Variants in NTM observed in about 807,000 individuals in gnomAD.
NTM encodes IgLON family member 2.
Under a neutral mutation model 42.1 loss-of-function variants are expected in NTM, and 13 were observed. The observed-to-expected ratio is 0.31, with a 90% confidence interval of 0.20 to 0.49. The LOEUF (loss-of-function observed/expected upper bound fraction) is 0.49, where lower values mean the gene tolerates loss of function less well. NTM is among the 20% of genes least tolerant of loss of function. The pLI, the probability that NTM is intolerant of heterozygous loss-of-function variation, is 0.99. For missense variants in NTM, 373 were observed against 452.8 expected (o/e 0.82, Z 1.60); for synonymous variants, 187 against 179.2 (o/e 1.04, Z -0.35).
At chr11:131,774,152 G>A in intron 1 of NTM, 1 of 981,148 alleles carries the variant, frequency 1.0e-6, no homozygotes, top group Non-Finnish European at 1.2e-6. Flanking sequence ...ATGTCAGTGG[G>A]AAACCCATCA....
intron 2 of NTM, among the ~76,000 whole-genome samples, chr11:132,095,673 CT>C (rs1181960401): frequency 1.3e-5 from 2 of 152,200 alleles, no homozygotes; most frequent in African/African-American, 2.4e-5. Context: ...CCCAGCCATC[CT>C]TGTGTCTAGG....
intron 3 of NTM, among the ~76,000 whole-genome samples, chr11:132,198,105 G>T (rs889424017): frequency 2.0e-5 from 3 of 152,140 alleles, no homozygotes; most frequent in African/African-American, 4.8e-5. Flanking sequence ...ACTAGTTTAC[G>T]ATCCCACCAA....
At chr11:131,964,344 C>G (rs1203507441) in intron 2 of NTM, among the ~76,000 whole-genome samples, 1 of 149,092 alleles carries the variant, frequency 6.7e-6, no homozygotes, top group East Asian at 1.9e-4. Flanking sequence ...ATTCACAGCT[C>G]TTTGTTTTCC....
chr11:132,048,818 C>CT (rs10563617), intron 2 of NTM, among the ~76,000 whole-genome samples: 140 of 132,998 alleles, frequency 1.1e-3, no homozygotes, highest in Admixed American at 2.3e-3. Context: ...TTTCTTTTTT[C>CT]TTTTTTTTTT....
At chr11:131,875,115 A>C (rs935251411) in intron 1 of NTM, among the ~76,000 whole-genome samples, 5 of 152,150 alleles carry the variant, frequency 3.3e-5, no homozygotes, top group African/African-American at 7.2e-5. Context: ...CTTAAACCCC[A>C]TGAGCCTTAT....
chr11:131,995,457 G>A (rs1295870978), intron 2 of NTM, among the ~76,000 whole-genome samples: 1 of 152,074 alleles, frequency 6.6e-6, no homozygotes, highest in African/African-American at 2.4e-5. Flanking sequence ...TGCTGTGGTG[G>A]TATCATTGAG....
At chr11:131,580,616 A>G (rs1484774963) in intron 1 of NTM, among the ~76,000 whole-genome samples, 5 of 152,136 alleles carry the variant, frequency 3.3e-5, no homozygotes, top group African/African-American at 1.2e-4. Context: ...GAGAGAGCTA[A>G]TGGGAGGGGA....
chr11:131,747,612 T>C (rs1393920775), intron 1 of NTM, among the ~76,000 whole-genome samples: 1 of 152,182 alleles, frequency 6.6e-6, no homozygotes, highest in Non-Finnish European at 1.5e-5. Flanking sequence ...CTTCTAAATG[T>C]CAAACAGTTC....
intron 2 of NTM, among the ~76,000 whole-genome samples, chr11:132,138,785 G>A (rs80222420): frequency 0.014 from 2,099 of 152,184 alleles, 51 homozygotes; most frequent in African/African-American, 0.048. Flanking sequence ...CTTTCATTCT[G>A]TCCAGACCCT....
At position 131,774,039 on chromosome 11, in the gene NTM, G is replaced by A; in HGVS notation, c.83-137525G>A. ...AAACAAAATAGTCAATAGCCTTGGT[G>A]TCATTGACTTTGCCTTCCTCTGTTG... On this transcript the variant is annotated intron_variant, in intron 1 of 8. Coordinates refer to ENST00000683400, the MANE Select transcript of NTM (RefSeq NM_001352005.2). 3.1e-6 allele frequency: 3 copies of A among 983,386 alleles called. No individual in the cohort carries two copies. In the South Asian group the frequency reaches 1.4e-4, roughly 46 times the overall value. The allele number at this position is 983,386 out of a possible 1,614,324, so 60.9% of individuals were successfully genotyped here. A position where few individuals can be genotyped will look rare whatever the true frequency, so the allele number is the denominator to read the frequency against.
At chr11:132,321,032 CCATCATCAA>C (rs1296563239) in intron 7 of NTM, among the ~76,000 whole-genome samples, 2 of 151,228 alleles carry the variant, frequency 1.3e-5, no homozygotes, top group African/African-American at 2.4e-5. Flanking sequence ...CTGTACATCA[CCATCATCAA>C]AGACCAAAAG....
intron 2 of NTM, among the ~76,000 whole-genome samples, chr11:132,079,257 T>C (rs2058733302): frequency 6.6e-6 from 1 of 152,210 alleles, no homozygotes. Context: ...TTCTACACTC[T>C]TTGTATGCAA....
chr11:131,645,461 C>T (rs2065658228), intron 1 of NTM, among the ~76,000 whole-genome samples: 2 of 152,180 alleles, frequency 1.3e-5, no homozygotes, highest in African/African-American at 4.8e-5. Flanking sequence ...TCACGTCAGA[C>T]ACCTTCAGAC....
At chr11:131,433,330 C>T (rs1948844196) in intron 1 of NTM, among the ~76,000 whole-genome samples, 2 of 152,086 alleles carry the variant, frequency 1.3e-5, no homozygotes, top group South Asian at 2.1e-4. Flanking sequence ...TTCTGTTTTT[C>T]CTGGAGTTAC....
chr11:131,922,049 C>T (rs1406211042), intron 2 of NTM: 1 of 152,506 alleles, frequency 6.6e-6, no homozygotes, highest in African/African-American at 2.4e-5. Context: ...TGAATGTTCC[C>T]CCCTTATTAT....
chr11:132,314,482 G>A (rs2095370266), intron 6 of NTM, 70 bp from the exon 7 acceptor site: 1 of 1,507,974 alleles, frequency 6.6e-7, no homozygotes, highest in African/African-American at 1.4e-5. Context: ...GGAATCCCTG[G>A]GCCTATCTTC....
chr11:131,392,161 A>G (rs1944085916), intron 1 of NTM, among the ~76,000 whole-genome samples: 2 of 152,262 alleles, frequency 1.3e-5, no homozygotes. Flanking sequence ...TAAAGCAAAA[A>G]GTCATACTAT....
intron 4 of NTM, among the ~76,000 whole-genome samples, chr11:132,238,397 T>A (rs1280828011): frequency 1.3e-5 from 2 of 152,208 alleles, no homozygotes; most frequent in African/African-American, 4.8e-5. Flanking sequence ...ATATGATGGC[T>A]GAAAATAATC....
Position 131,432,696 on chromosome 11 carries a change from A to G in NTM, c.82+61808A>G, listed in dbSNP as rs192441935. Reference sequence around the variant, plus strand: ...ATTGACTTTACTCTCCTCATCCAAGAATTCCATTCTCCAAAGGCAACCATT... The same window carrying G: ...ATTGACTTTACTCTCCTCATCCAAGGATTCCATTCTCCAAAGGCAACCATT... On this transcript the variant is annotated intron_variant, in intron 1 of 8. Coordinates refer to ENST00000683400, the MANE Select transcript of NTM (RefSeq NM_001352005.2). Among the ~76,000 whole-genome samples, 221 of 152,138 alleles carry G rather than the reference A, an allele frequency of 1.5e-3. 1 individual carries two copies. Among genetic ancestry groups the G allele is most frequent in the Non-Finnish European group, 2.3e-3 (156 of 67,998 alleles).
Sources: allele counts gnomAD v4.1 joint callset (sites outside exome capture counted in the v4.1 genomes callset), GRCh38; gene constraint gnomAD v4.1.1; transcripts MANE v1.5; gene names NCBI Gene and HGNC (gene_info 2026-07-23, HGNC 2026-07-21).